Variants in CPED1 observed in about 807,000 individuals in gnomAD.
CPED1 encodes the protein cadherin-like and PC-esterase domain-containing protein 1.
A neutral mutation model predicts 128.2 loss-of-function variants in CPED1; 114 were observed. That is an observed-to-expected ratio of 0.89 (90% confidence interval 0.76 to 1.04). CPED1 has a LOEUF of 1.04. CPED1 is among the 50% of genes least tolerant of loss of function. The pLI is 0.00. For synonymous variants in CPED1, 462 were observed against 426.7 expected (o/e 1.08, Z -1.02); for missense variants, 1,211 against 1,207.1 (o/e 1.00, Z -0.05).
chr7:121,103,534 G>T (rs1176078070), intron 7 of CPED1, among the ~76,000 whole-genome samples: 1 of 152,040 alleles, frequency 6.6e-6, no homozygotes, highest in Non-Finnish European at 1.5e-5. Context: ...CTTTCTACTG[G>T]TATTTTTAGA....
chr7:120,999,573 T>C (rs1422813787), intron 2 of CPED1, among the ~76,000 whole-genome samples: 2 of 152,158 alleles, frequency 1.3e-5, no homozygotes, highest in Non-Finnish European at 2.9e-5. Flanking sequence ...AATTTTTATA[T>C]TGTAACTGGA....
chr7:121,123,670 A>G (rs1188607163), intron 7 of CPED1, among the ~76,000 whole-genome samples: 3 of 152,226 alleles, frequency 2.0e-5, no homozygotes, highest in Non-Finnish European at 2.9e-5. Flanking sequence ...AGATGACACA[A>G]TTGAGCTTCA....
chr7:121,007,230 C>CTTTTTTTTTTTTTTTTTTTTTTT lies in CPED1; in HGVS notation c.250-8435_250-8434insTTTTTTTTTTTTTTTTTTTTTTT, dbSNP rs147867549. Among the ~76,000 whole-genome samples, 4 of 115,848 alleles carry CTTTTTTTTTTTTTTTTTTTTTTT rather than the reference C, an allele frequency of 3.5e-5. 1 individual carries two copies. 76.0% of individuals were successfully genotyped at this position (115,848 alleles called of 152,430 possible). On this transcript the variant is annotated intron_variant, in intron 2 of 22. Transcript: ENST00000310396. ...AAGCGTTGCGAAACTGTTCAGGTTG[C>CTTTTTTTTTTTTTTTTTTTTTTT]ATTTTTTTTTTTTTTTTTTGTCTTG...
intron 14 of CPED1, among the ~76,000 whole-genome samples, chr7:121,137,750 G>C (rs1795815888): frequency 6.6e-6 from 1 of 152,006 alleles, no homozygotes; most frequent in Non-Finnish European, 1.5e-5. Context: ...AAAAATACAT[G>C]CTACTCCATT....
At chr7:121,037,356 T>C (rs1792921712) in intron 3 of CPED1, among the ~76,000 whole-genome samples, 1 of 152,238 alleles carries the variant, frequency 6.6e-6, no homozygotes, top group Non-Finnish European at 1.5e-5. Flanking sequence ...CTTCTACATA[T>C]GGCTTTCCAA....
intron 22 of CPED1, among the ~76,000 whole-genome samples, chr7:121,284,371 C>T (rs1274919416): frequency 6.6e-6 from 1 of 152,134 alleles, no homozygotes; most frequent in Non-Finnish European, 1.5e-5. Context: ...CCCCTGGCTC[C>T]TCTCCAAATC....
chr7:121,259,208 A>T (rs956102812), intron 18 of CPED1, among the ~76,000 whole-genome samples: 10 of 152,168 alleles, frequency 6.6e-5, no homozygotes, highest in African/African-American at 2.4e-4. Context: ...ATCAGTGGAG[A>T]TCTGAAAAGG....
At chr7:121,048,051 T>C (rs1286438084) in intron 4 of CPED1, among the ~76,000 whole-genome samples, 1 of 152,168 alleles carries the variant, frequency 6.6e-6, no homozygotes. Flanking sequence ...TCCATGTACA[T>C]TTCTGGCCAT....
chr7:121,216,342 AC>A (rs1343917072), intron 16 of CPED1, among the ~76,000 whole-genome samples: 1 of 151,956 alleles, frequency 6.6e-6, no homozygotes, highest in African/African-American at 2.4e-5. Flanking sequence ...AAAGGCAAGC[AC>A]CCTCATTTTG....
intron 16 of CPED1, among the ~76,000 whole-genome samples, chr7:121,194,046 A>ATTTTT (rs1372912698): frequency 3.6e-4 from 19 of 52,992 alleles, no homozygotes; most frequent in African/African-American, 5.1e-4. Context: ...ATATATATAT[A>ATTTTT]TATTTTTTTT....
chr7:121,145,209 G>A (rs1022963933), intron 16 of CPED1, among the ~76,000 whole-genome samples: 1 of 151,822 alleles, frequency 6.6e-6, no homozygotes, highest in Non-Finnish European at 1.5e-5. Context: ...AAAGATTGGT[G>A]GGAAAGTTAT....
rs935346250 is a variant in CPED1, at chr7:121,236,824, C to T, written c.2166C>T (p.Asp722=). 1.9e-6 allele frequency: 3 copies of T among 1,555,294 alleles called. No individual in the cohort carries two copies. The highest frequency in any genetic ancestry group is 2.6e-6 in the Non-Finnish European group (3 of 1,134,550). ...QSELKRCPSG[D]MKGQWIVPCL... ...AACTAAAAAGATGTCCATCTGGGGACATGAAAGGTGACTATCACATTGGAT... is the reference window on the plus strand; with the variant it reads ...AACTAAAAAGATGTCCATCTGGGGATATGAAAGGTGACTATCACATTGGAT... The change falls in exon 17 of 23, where the codon GAC becomes GAT. Residue 722 remains aspartate (D), a synonymous_variant. Coordinates refer to ENST00000310396, the MANE Select transcript of CPED1 (RefSeq NM_024913.5).
chr7:121,184,111 A>G (rs139164508), intron 16 of CPED1, among the ~76,000 whole-genome samples: 1,994 of 151,450 alleles, frequency 0.013, 57 homozygotes, highest in African/African-American at 0.045. Flanking sequence ...ACTGCACTGC[A>G]GCCTGGGTGA....
At chr7:121,199,709 G>GAAAGA (rs1797351807) in intron 16 of CPED1, among the ~76,000 whole-genome samples, 1 of 131,490 alleles carries the variant, frequency 7.6e-6, no homozygotes, top group Non-Finnish European at 1.6e-5. Flanking sequence ...AAGAAAGAAA[G>GAAAGA]AAAGAAAGAA....
At chr7:121,171,429 C>G (rs1796646888) in intron 16 of CPED1, among the ~76,000 whole-genome samples, 1 of 152,150 alleles carries the variant, frequency 6.6e-6, no homozygotes, top group Non-Finnish European at 1.5e-5. Flanking sequence ...TTAAAAATAG[C>G]TGTATCTTCA....
chr7:121,038,287 T>C (rs1792955348), intron 3 of CPED1, among the ~76,000 whole-genome samples: 3 of 152,092 alleles, frequency 2.0e-5, no homozygotes, highest in African/African-American at 7.2e-5. Flanking sequence ...TGTAGACGGC[T>C]TTTAGTACCT....
chr7:121,148,057 A>C (rs896936332), intron 16 of CPED1, among the ~76,000 whole-genome samples: 9 of 152,154 alleles, frequency 5.9e-5, no homozygotes, highest in Non-Finnish European at 1.2e-4. Context: ...TAGGGAGTGC[A>C]TTTATCAGTA....
At chr7:121,214,074 G>A (rs1157136734) in intron 16 of CPED1, among the ~76,000 whole-genome samples, 1 of 151,888 alleles carries the variant, frequency 6.6e-6, no homozygotes, top group Non-Finnish European at 1.5e-5. Context: ...GTTATTTTGT[G>A]GAATGCCTCA....
intron 5 of CPED1, among the ~76,000 whole-genome samples, chr7:121,096,127 C>A (rs1459280927): frequency 6.6e-6 from 1 of 152,044 alleles, no homozygotes; most frequent in Non-Finnish European, 1.5e-5. Flanking sequence ...GCTGTTCATT[C>A]ATCACCTCCA....
Sources: gnomAD v4.1 joint callset for allele counts (sites outside exome capture counted in the v4.1 genomes callset) on GRCh38, gnomAD v4.1.1 for gene constraint, MANE v1.5 for transcripts, NCBI Gene and HGNC (gene_info 2026-07-23, HGNC 2026-07-21) for gene names.